The following EDIL3 variants were observed in gnomAD, a reference collection of about 807,000 sequenced individuals.
EDIL3 encodes the protein EGF-like repeat and discoidin I-like domain-containing protein 3.
A neutral mutation model predicts 67.4 loss-of-function variants in EDIL3; 37 were observed. The ratio of observed to expected loss-of-function variants is 0.55; its 90% CI spans 0.42 to 0.72. EDIL3 has a LOEUF of 0.72. Among genes scored for constraint, EDIL3 ranks in the 30% least tolerant of loss-of-function variants. EDIL3 has a pLI of 0.00. For synonymous variants in EDIL3, 195 were observed against 196.3 expected (o/e 0.99, Z 0.05); for missense variants, 527 against 586.3 (o/e 0.90, Z 1.04).
chr5:84,047,720 A>G (rs970431403), intron 9 of EDIL3: 2 of 152,090 alleles, frequency 1.3e-5, no homozygotes, highest in Non-Finnish European at 2.9e-5. Context: ...ACATAAAAAA[A>G]GAAAGAATAT....
intron 7 of EDIL3, among the ~76,000 whole-genome samples, chr5:84,065,063 G>A (rs2112240015): frequency 6.6e-6 from 1 of 152,232 alleles, no homozygotes; most frequent in South Asian, 2.1e-4. Flanking sequence ...CTCATGACAT[G>A]ATCTATATTC....
At chr5:84,048,858 A>G in intron 9 of EDIL3, among the ~76,000 whole-genome samples, 1 of 152,156 alleles carries the variant, frequency 6.6e-6, no homozygotes, top group East Asian at 1.9e-4. Flanking sequence ...CGTGAACAAA[A>G]CCAAAATGAA....
chr5:84,294,384 CAAAA>C (rs1173407354), intron 1 of EDIL3, among the ~76,000 whole-genome samples: 27 of 31,794 alleles, frequency 8.5e-4, no homozygotes, highest in Admixed American at 7.4e-3. Flanking sequence ...GACTCTGTCT[CAAAA>C]AAAAAAAAAA....
chr5:84,133,320 T>A (rs781019972), intron 5 of EDIL3, among the ~76,000 whole-genome samples: 1 of 151,882 alleles, frequency 6.6e-6, no homozygotes, highest in Non-Finnish European at 1.5e-5. Flanking sequence ...CTTGAGCTTA[T>A]AACATTTAAA....
chr5:84,308,994 C>T (rs1161831911), intron 1 of EDIL3, among the ~76,000 whole-genome samples: 2 of 152,018 alleles, frequency 1.3e-5, no homozygotes, highest in Admixed American at 6.5e-5. Flanking sequence ...AGGATACTGT[C>T]GAATTTCTTT....
At chr5:84,228,882 A>G (rs1744503184) in intron 3 of EDIL3, among the ~76,000 whole-genome samples, 1 of 152,056 alleles carries the variant, frequency 6.6e-6, no homozygotes, top group African/African-American at 2.4e-5. Context: ...TAACTGGGCT[A>G]CTTTCCCTCC....
chr5:84,007,090 G>T (rs939141743), intron 9 of EDIL3, among the ~76,000 whole-genome samples: 3 of 152,038 alleles, frequency 2.0e-5, no homozygotes, highest in Non-Finnish European at 2.9e-5. Flanking sequence ...ATATGCAGAA[G>T]AATAAGACTA....
chr5:84,157,456 T>C (rs1036993654), intron 4 of EDIL3, among the ~76,000 whole-genome samples: 2 of 152,088 alleles, frequency 1.3e-5, no homozygotes, highest in Non-Finnish European at 2.9e-5. Context: ...GGGACCATGG[T>C]GTAATTGAAA....
At chr5:84,320,350 AGATT>A (rs1253420362) in intron 1 of EDIL3, among the ~76,000 whole-genome samples, 1 of 152,082 alleles carries the variant, frequency 6.6e-6, no homozygotes, top group Admixed American at 6.6e-5. Context: ...CATCACTAAA[AGATT>A]GTTAGAAAAG....
intron 1 of EDIL3, among the ~76,000 whole-genome samples, chr5:84,348,925 T>G (rs1474570987): frequency 6.6e-6 from 1 of 152,220 alleles, no homozygotes; most frequent in Non-Finnish European, 1.5e-5. Flanking sequence ...TCTTGGATTA[T>G]GGAAATAAAG....
intron 4 of EDIL3, among the ~76,000 whole-genome samples, chr5:84,155,442 TTTCA>T (rs1303752564): frequency 6.6e-6 from 1 of 152,180 alleles, no homozygotes; most frequent in Non-Finnish European, 1.5e-5. Flanking sequence ...TAGAATTGTT[TTTCA>T]TTCATTGTGT....
At chr5:84,216,177 G>C (rs1350644908) in intron 3 of EDIL3, among the ~76,000 whole-genome samples, 1 of 152,198 alleles carries the variant, frequency 6.6e-6, no homozygotes, top group African/African-American at 2.4e-5. Flanking sequence ...TTGAGCCATT[G>C]ACAGGAAGCC....
intron 9 of EDIL3, among the ~76,000 whole-genome samples, chr5:84,001,968 A>G (rs1374960602): frequency 6.6e-6 from 1 of 151,976 alleles, no homozygotes; most frequent in Non-Finnish European, 1.5e-5. Flanking sequence ...ATAAATATAA[A>G]GAAAGAAAAA....
chr5:84,081,856 G>C, intron 6 of EDIL3, among the ~76,000 whole-genome samples: 1 of 136,792 alleles, frequency 7.3e-6, no homozygotes, highest in East Asian at 2.1e-4. Context: ...ACTTCTAAGA[G>C]CTGACCCAGG....
At position 84,106,781 on chromosome 5, in the gene EDIL3, T is replaced by A; in HGVS notation, c.519A>T (p.Gln173His). Residue 173 changes from glutamine (Q) to histidine (H), a missense_variant, in exon 6 of 11, where the codon CAA becomes CAT. By Grantham distance (24) the Gln-to-His change is conservative. This residue lies in a region of EDIL3 where 494 missense variants were observed against 522.5 expected (regional missense o/e 0.95). Coordinates refer to ENST00000296591, the MANE Select transcript of EDIL3 (RefSeq NM_005711.5). ...CTCGGTGAGTAGAGGAAGCTGTGAT[T>A]TGCTGGTTTGATATAATTCCACCTT... is the stretch of plus-strand genomic sequence containing the variant. ...GIEGGIISNQQITASSTHRAL... is the reference protein window; with the variant it reads ...GIEGGIISNQHITASSTHRAL... 6.2e-7 allele frequency: 1 copy of A among 1,613,072 alleles called. No homozygotes were observed. The highest frequency in any genetic ancestry group is 8.5e-7 in the Non-Finnish European group (1 of 1,179,442).
intron 6 of EDIL3, among the ~76,000 whole-genome samples, chr5:84,094,113 A>G (rs1189613657): frequency 6.6e-6 from 1 of 152,246 alleles, no homozygotes; most frequent in African/African-American, 2.4e-5. Context: ...TAAATGACCA[A>G]ATAATTTCAG....
chr5:84,294,653 G>T (rs932792335), intron 1 of EDIL3, among the ~76,000 whole-genome samples: 3 of 151,962 alleles, frequency 2.0e-5, no homozygotes, highest in Non-Finnish European at 4.4e-5. Context: ...AACCAAAATT[G>T]ATTCATATTG....
intron 2 of EDIL3, among the ~76,000 whole-genome samples, chr5:84,251,482 C>T (rs1745025228): frequency 6.6e-6 from 1 of 151,614 alleles, no homozygotes; most frequent in South Asian, 2.1e-4. Flanking sequence ...ATATTTGATC[C>T]CAATATTAGT....
intron 1 of EDIL3, among the ~76,000 whole-genome samples, chr5:84,294,493 A>G (rs1338029722): frequency 6.6e-6 from 1 of 151,944 alleles, no homozygotes; most frequent in Non-Finnish European, 1.5e-5. Flanking sequence ...GAAATAAAAC[A>G]TTTTGAATAC....
Sources: gnomAD v4.1 joint callset for allele counts (sites outside exome capture counted in the v4.1 genomes callset) on GRCh38, gnomAD v4.1.1 for gene constraint, gnomAD v4.1.1 regional missense constraint, MANE v1.5 for transcripts, NCBI Gene and HGNC (gene_info 2026-07-23, HGNC 2026-07-21) for gene names.